ARK2N: variants seen among roughly 807,000 people sequenced by gnomAD.
ARK2N encodes the protein arkadia (RNF111) N-terminal like PKA signaling regulator 2N, also known as protein ARK2N.
At chr18:46,182,869 T>G in the ARK2N span, among the ~76,000 whole-genome samples, 1 of 152,178 alleles carries the variant, frequency 6.6e-6, no homozygotes, top group African/African-American at 2.4e-5. Context: ...GGAGAAAAAG[T>G]TGGCTGGCAA....
At chr18:46,213,422 A>G in the ARK2N span, among the ~76,000 whole-genome samples, 1 of 152,276 alleles carries the variant, frequency 6.6e-6, no homozygotes, top group South Asian at 2.1e-4. Context: ...CTTAAAAAAA[A>G]GAACTTGGGT....
chr18:46,196,290 C>G, the ARK2N span, among the ~76,000 whole-genome samples: 1 of 138,858 alleles, frequency 7.2e-6, no homozygotes, highest in Non-Finnish European at 1.5e-5. Context: ...AAGACGGAGT[C>G]TCGCTCTGTC....
At chr18:46,250,567 C>T in the ARK2N span, among the ~76,000 whole-genome samples, 2 of 149,258 alleles carry the variant, frequency 1.3e-5, no homozygotes, top group Admixed American at 6.7e-5. Context: ...ATTTCTCACC[C>T]AGGAAGCTGC....
chr18:46,183,087 AAAAAGG>A, the ARK2N span, among the ~76,000 whole-genome samples: 1 of 152,190 alleles, frequency 6.6e-6, no homozygotes, highest in Non-Finnish European at 1.5e-5. Context: ...CACTAAAAAA[AAAAAGG>A]AAGAGTTCCT....
At chr18:46,226,489 G>A in the ARK2N span, among the ~76,000 whole-genome samples, 1 of 152,262 alleles carries the variant, frequency 6.6e-6, no homozygotes, top group Non-Finnish European at 1.5e-5. Flanking sequence ...AATTGCTAGT[G>A]ACTAAGTTTA....
chr18:46,188,457 C>T, the ARK2N span, among the ~76,000 whole-genome samples: 3 of 152,162 alleles, frequency 2.0e-5, no homozygotes, highest in Admixed American at 6.6e-5. Flanking sequence ...CTGCATAGGC[C>T]TCCCAAAGTG....
At chr18:46,262,044 T>C in the ARK2N span, among the ~76,000 whole-genome samples, 1 of 152,206 alleles carries the variant, frequency 6.6e-6, no homozygotes, top group Non-Finnish European at 1.5e-5. Flanking sequence ...ACTTGTTACT[T>C]CTCACATAAG....
the ARK2N span, among the ~76,000 whole-genome samples, chr18:46,177,431 CTTTTTTTT>C: frequency 2.2e-5 from 2 of 89,324 alleles, no homozygotes; most frequent in African/African-American, 8.0e-5. Context: ...TTTTTCTTTA[CTTTTTTTT>C]TTTTTTTTTT....
At chr18:46,194,481 T>G in the ARK2N span, among the ~76,000 whole-genome samples, 7 of 151,208 alleles carry the variant, frequency 4.6e-5, no homozygotes, top group African/African-American at 1.7e-4. Flanking sequence ...TTTTTTTGTT[T>G]GTTTTTTTTG....
the ARK2N span, among the ~76,000 whole-genome samples, chr18:46,250,505 C>CACACACACACACACACACACAT: frequency 6.6e-6 from 1 of 151,446 alleles, no homozygotes; most frequent in African/African-American, 2.4e-5. Context: ...CACACACACA[C>CACACACACACACACACACACAT]ACACACACAC....
the ARK2N span, chr18:46,216,251 TAGA>T: frequency 6.2e-7 from 1 of 1,613,630 alleles, no homozygotes; most frequent in Non-Finnish European, 8.5e-7. This position sits in a 1 kb window ranked among gnomAD's most constrained non-coding sequence, Gnocchi z 4.3. Context: ...GAAACGGCGG[TAGA>T]AGGAGACCCT....
the ARK2N span, among the ~76,000 whole-genome samples, chr18:46,205,910 T>C: frequency 6.6e-6 from 1 of 151,986 alleles, no homozygotes; most frequent in Admixed American, 6.6e-5. Flanking sequence ...GTATTTTTTT[T>C]CTATAGGTGG....
At chr18:46,257,810 A>C in the ARK2N span, among the ~76,000 whole-genome samples, 1 of 152,030 alleles carries the variant, frequency 6.6e-6, no homozygotes, top group African/African-American at 2.4e-5. Flanking sequence ...TGTTCTGAGG[A>C]CCTCATTCTA....
the ARK2N span, among the ~76,000 whole-genome samples, chr18:46,178,742 G>A: frequency 3.9e-5 from 6 of 151,990 alleles, no homozygotes; most frequent in African/African-American, 9.7e-5. Context: ...TGGCAGAACC[G>A]TCTCTACAGA....
At chr18:46,230,702 T>C in the ARK2N span, among the ~76,000 whole-genome samples, 1 of 152,246 alleles carries the variant, frequency 6.6e-6, no homozygotes, top group Non-Finnish European at 1.5e-5. Flanking sequence ...AGGATTAAGC[T>C]GCAGACTTTT....
the ARK2N span, among the ~76,000 whole-genome samples, chr18:46,225,469 T>A: frequency 1.2e-4 from 19 of 152,166 alleles, no homozygotes; most frequent in African/African-American, 4.3e-4. Flanking sequence ...ATGTTGCTGT[T>A]TTTTTTTGAG....
the ARK2N span, among the ~76,000 whole-genome samples, chr18:46,246,423 G>C: frequency 7.9e-5 from 12 of 152,212 alleles, no homozygotes; most frequent in Middle Eastern, 3.2e-3. Context: ...AATGCCTTTG[G>C]TGTCTCTTGT....
the ARK2N span, among the ~76,000 whole-genome samples, chr18:46,236,116 G>C: frequency 6.6e-6 from 1 of 152,256 alleles, no homozygotes; most frequent in African/African-American, 2.4e-5. Flanking sequence ...TGGATGACTT[G>C]ATGTTTTTAA....
chr18:46,247,262 G>T, the ARK2N span, among the ~76,000 whole-genome samples: 1 of 152,168 alleles, frequency 6.6e-6, no homozygotes, highest in Non-Finnish European at 1.5e-5. Flanking sequence ...GACATTTCTA[G>T]CTCTGGAATA....
Sources: gnomAD v4.1 joint callset for allele counts (sites outside exome capture counted in the v4.1 genomes callset) on GRCh38, gnomAD v4.1.1 for gene constraint, Gnocchi (gnomAD v3.1) non-coding constraint, MANE v1.5 for transcripts, NCBI Gene and HGNC (gene_info 2026-07-23, HGNC 2026-07-21) for gene names.